CDH18: variants seen among roughly 807,000 people sequenced by gnomAD.
The protein encoded by CDH18 is cadherin-18.
A neutral mutation model predicts 67.9 loss-of-function variants in CDH18; 31 were observed. The observed-to-expected ratio is 0.46, with a 90% confidence interval of 0.34 to 0.62. The LOEUF (loss-of-function observed/expected upper bound fraction) is 0.62, where lower values mean the gene tolerates loss of function less well. Ranked by LOEUF, CDH18 falls within the 20% of genes least tolerant of loss-of-function variation. The pLI is 0.01. For synonymous variants in CDH18, 362 were observed against 347.2 expected, an observed-to-expected ratio of 1.04 and a Z score of -0.48; for missense variants, 890 against 975.5, an observed-to-expected ratio of 0.91 and a Z score of 1.17.
At chr5:20,495,299 T>C (rs1021167422) in intron 1 of CDH18, among the ~76,000 whole-genome samples, 7 of 152,114 alleles carry the variant, frequency 4.6e-5, no homozygotes, top group Non-Finnish European at 8.8e-5. Flanking sequence ...AGTTTTACTG[T>C]ATAAATGTTA....
chr5:19,734,714 C>G (rs1216638161), intron 4 of CDH18, among the ~76,000 whole-genome samples: 2 of 152,128 alleles, frequency 1.3e-5, no homozygotes, highest in East Asian at 3.9e-4. Flanking sequence ...TGCCCACCCC[C>G]TGCCCATTAA....
At chr5:19,687,928 A>C (rs1481888415) in intron 5 of CDH18, among the ~76,000 whole-genome samples, 6 of 152,150 alleles carry the variant, frequency 3.9e-5, no homozygotes, top group Admixed American at 1.3e-4. Context: ...GCCTGAGGAC[A>C]ATCCCACCCA....
chr5:20,483,445 G>A (rs1752957049), intron 1 of CDH18, among the ~76,000 whole-genome samples: 1 of 151,788 alleles, frequency 6.6e-6, no homozygotes, highest in South Asian at 2.1e-4. Context: ...AACTACCAAA[G>A]ACTCAGAATA....
chr5:19,775,609 A>T (rs1774279505), intron 3 of CDH18, among the ~76,000 whole-genome samples: 1 of 152,112 alleles, frequency 6.6e-6, no homozygotes, highest in Non-Finnish European at 1.5e-5. Context: ...GTAAAACAGC[A>T]CTAAGCCATG....
intron 2 of CDH18, among the ~76,000 whole-genome samples, chr5:20,023,915 C>T (rs914603535): frequency 1.3e-5 from 2 of 152,122 alleles, no homozygotes; most frequent in African/African-American, 2.4e-5. Flanking sequence ...CTCAATTCTG[C>T]ACAGTTTCCT....
At position 19,771,464 on chromosome 5, in the gene CDH18, G is replaced by A. The variant is rs144390518; in HGVS notation, c.229-24228C>T. 2.6e-5 allele frequency among the ~76,000 whole-genome samples: 4 copies of A among 152,266 alleles called. No homozygotes were observed. In the East Asian group the frequency reaches 5.8e-4, roughly 22 times the overall value. On this transcript the variant is annotated intron_variant, in intron 3 of 12. Transcript: ENST00000382275. ...CAGTCCACAGCCAACATGAACCTGA[G>A]GCCTGCCCAGAGACACACAGGTATC...
intron 9 of CDH18, among the ~76,000 whole-genome samples, chr5:19,541,011 T>A (rs1750175663): frequency 6.6e-6 from 1 of 152,134 alleles, no homozygotes; most frequent in African/African-American, 2.4e-5. Flanking sequence ...TTTTCCAAAC[T>A]TTTATGCTCT....
chr5:20,154,431 C>T (rs1394734197), intron 2 of CDH18, among the ~76,000 whole-genome samples: 1 of 152,114 alleles, frequency 6.6e-6, no homozygotes, highest in Non-Finnish European at 1.5e-5. Context: ...TCTTCTTATT[C>T]ATGAGCTCGA....
At chr5:20,168,305 G>C (rs1736450397) in intron 2 of CDH18, among the ~76,000 whole-genome samples, 1 of 151,980 alleles carries the variant, frequency 6.6e-6, no homozygotes, top group South Asian at 2.1e-4. Flanking sequence ...GTCAATATTA[G>C]TCCAATTTGC....
At chr5:20,220,773 A>G (rs1417274819) in intron 2 of CDH18, among the ~76,000 whole-genome samples, 1 of 152,078 alleles carries the variant, frequency 6.6e-6, no homozygotes, top group East Asian at 1.9e-4. Context: ...AGGCAACTCT[A>G]TAGGAAAAAA....
intron 2 of CDH18, among the ~76,000 whole-genome samples, chr5:19,911,313 G>A (rs1426465836): frequency 6.6e-6 from 1 of 152,152 alleles, no homozygotes. Flanking sequence ...AGGGGATTAT[G>A]AGTCCAGATA....
intron 2 of CDH18, among the ~76,000 whole-genome samples, chr5:19,881,603 G>C (rs1415131781): frequency 1.3e-5 from 2 of 151,312 alleles, no homozygotes; most frequent in African/African-American, 2.4e-5. Flanking sequence ...CCACCTCCTG[G>C]GTTCAAGCGA....
At chr5:19,597,987 G>C (rs912446994) in intron 6 of CDH18, among the ~76,000 whole-genome samples, 11 of 152,012 alleles carry the variant, frequency 7.2e-5, no homozygotes, top group African/African-American at 2.7e-4. Context: ...TTAATAATAT[G>C]CTACAAGTTA....
chr5:20,261,488 C>T (rs1284241048), intron 1 of CDH18, among the ~76,000 whole-genome samples: 1 of 152,146 alleles, frequency 6.6e-6, no homozygotes, highest in African/African-American at 2.4e-5. Flanking sequence ...CGCCTCTAAT[C>T]CCAGCACTTT....
intron 2 of CDH18, among the ~76,000 whole-genome samples, chr5:20,053,015 T>C (rs1459841685): frequency 7.4e-5 from 7 of 95,166 alleles, no homozygotes; most frequent in African/African-American, 2.2e-4. Flanking sequence ...AATTTTCTTT[T>C]TCCTCAGTTT....
At chr5:20,297,869 G>A (rs957974389) in intron 1 of CDH18, among the ~76,000 whole-genome samples, 1 of 152,168 alleles carries the variant, frequency 6.6e-6, no homozygotes, top group African/African-American at 2.4e-5. Flanking sequence ...CTGTCCTCCA[G>A]AAGTAGTTTC....
At chr5:19,770,836 T>C (rs1773652880) in intron 3 of CDH18, among the ~76,000 whole-genome samples, 2 of 152,206 alleles carry the variant, frequency 1.3e-5, no homozygotes, top group African/African-American at 4.8e-5. Context: ...TGTATCAGCA[T>C]TGCATTTTGT....
chr5:19,501,225 AT>A (rs1485975866), intron 11 of CDH18, among the ~76,000 whole-genome samples: 7 of 148,090 alleles, frequency 4.7e-5, no homozygotes, highest in African/African-American at 1.7e-4. Context: ...AATTACATAT[AT>A]AATTACAATT....
chr5:20,439,425 C>A (rs546293053), intron 1 of CDH18, among the ~76,000 whole-genome samples: 1 of 150,424 alleles, frequency 6.6e-6, no homozygotes, highest in South Asian at 2.1e-4. Flanking sequence ...AGATCAGAAA[C>A]CACAGGACTT....
Sources: gnomAD v4.1 joint callset for allele counts (sites outside exome capture counted in the v4.1 genomes callset) on GRCh38, gnomAD v4.1.1 for gene constraint, MANE v1.5 for transcripts, NCBI Gene and HGNC (gene_info 2026-07-23, HGNC 2026-07-21) for gene names.